The following SLC1A3 variants were observed in gnomAD, a reference collection of about 807,000 sequenced individuals.
SLC1A3 encodes solute carrier family 1 member 3, also known as excitatory amino acid transporter 1.
A neutral mutation model predicts 48.1 loss-of-function variants in SLC1A3; 21 were observed. That is an observed-to-expected ratio of 0.44 (90% CI 0.31 to 0.63). The LOEUF (loss-of-function observed/expected upper bound fraction) is 0.63. SLC1A3 is among the 20% of genes least tolerant of loss of function. SLC1A3 has a pLI of 0.08. For missense variants in SLC1A3, 546 were observed against 689.0 expected (o/e 0.79, Z 2.32); for synonymous variants, 239 against 251.4 (o/e 0.95, Z 0.47).
chr5:36,610,139 C>A (rs890081908), intron 2 of SLC1A3, among the ~76,000 whole-genome samples: 2 of 152,132 alleles, frequency 1.3e-5, no homozygotes, highest in Non-Finnish European at 2.9e-5. Flanking sequence ...AACTCTAGAG[C>A]TGGAAGTCAA....
Position 36,654,537 on chromosome 5 carries a change from A to G in SLC1A3, c.320-16492A>G, listed in dbSNP as rs1381442312. On this transcript the variant is annotated intron_variant, in intron 3 of 9. Coordinates refer to ENST00000265113, the MANE Select transcript of SLC1A3 (RefSeq NM_004172.5). ...ACACTTCTAAAGGGGCACAGACTCC[A>G]TAAGACTGTGGATGCCGATACACTT... Among the ~76,000 whole-genome samples the G allele has an allele frequency of 2.0e-5, 3 of 152,196 alleles. No homozygotes were observed. The South Asian group carries it at 6.2e-4, about 32-fold the overall frequency.
intron 3 of SLC1A3, among the ~76,000 whole-genome samples, chr5:36,645,319 C>T (rs1192975546): frequency 5.9e-5 from 5 of 84,266 alleles, no homozygotes; most frequent in Admixed American, 1.5e-4. Flanking sequence ...CTTCCGCTGC[C>T]TTTTTTTTTT....
At chr5:36,625,389 G>A (rs529495210) in intron 2 of SLC1A3, among the ~76,000 whole-genome samples, 123 of 152,236 alleles carry the variant, frequency 8.1e-4, no homozygotes, top group African/African-American at 2.8e-3. Context: ...ACCAGGAGGC[G>A]GAGGTTGCAG....
In SLC1A3 at chr5:36,599,840, G is replaced by A. The variant is rs117426421; in HGVS notation, c.-96+3162G>A. Among the ~76,000 whole-genome samples the A allele has an allele frequency of 4.0e-4, 60 of 151,554 alleles. 1 individual carries two copies. In the East Asian group the frequency reaches 0.01, roughly 26 times the overall value. On this transcript the variant is annotated intron_variant, in intron 1 of 9. Transcript: ENST00000680318. ...ATTTATTTATTTATTTATTTGAGAC[G>A]GAGTTTCGCTCTCGTCACCCAGGCT... is the stretch of plus-strand genomic sequence containing the variant.
Position 36,687,781 on chromosome 5 carries a change from G to C in SLC1A3, c.*1512G>C, listed in dbSNP as rs1177137909. The C allele has an allele frequency of 6.6e-6, 1 of 152,614 alleles. No individual in the cohort carries two copies. Among genetic ancestry groups the C allele is most frequent in the Non-Finnish European group, 1.5e-5 (1 of 68,036 alleles). 9.5% of individuals were successfully genotyped at this position (152,614 alleles called of 1,614,324 possible). On this transcript the variant is annotated 3_prime_UTR_variant, in exon 10 of 10. Transcript: ENST00000265113. ...ATGAGGTTATGAGAAAAAAACAGCA[G>C]GGGCATTAGTTTCAGGCAAGGCAGC...
chr5:36,644,706 T>C (rs1263280533), intron 3 of SLC1A3, among the ~76,000 whole-genome samples: 1 of 152,228 alleles, frequency 6.6e-6, no homozygotes, highest in Non-Finnish European at 1.5e-5. Context: ...AGTTAATCAC[T>C]TTTACACTGC....
At chr5:36,609,047 T>C (rs1739085288) in intron 2 of SLC1A3, 1 of 993,212 alleles carries the variant, frequency 1.0e-6, no homozygotes, top group South Asian at 4.5e-5. Context: ...TGGTGCTGAC[T>C]TGAAGCTGAG....
intron 2 of SLC1A3, chr5:36,608,805 A>G (rs1579940118): frequency 2.2e-6 from 3 of 1,364,856 alleles, no homozygotes; most frequent in African/African-American, 1.5e-5. Context: ...ATCATTAGGC[A>G]TCATTAGGCA....
chr5:36,683,707 CAAAA>C (rs11284736), intron 8 of SLC1A3, among the ~76,000 whole-genome samples, 153 bp from the exon 9 acceptor site: 1 of 148,528 alleles, frequency 6.7e-6, no homozygotes, highest in African/African-American at 2.5e-5. Flanking sequence ...GATACTGTTT[CAAAA>C]AAAAAAAAAA....
At chr5:36,618,986 C>T (rs1739557591) in intron 2 of SLC1A3, among the ~76,000 whole-genome samples, 1 of 152,192 alleles carries the variant, frequency 6.6e-6, no homozygotes, top group African/African-American at 2.4e-5. Flanking sequence ...CAAGGTTCTT[C>T]TGATGCAGTT....
intron 4 of SLC1A3, 31 bp from the exon 5 acceptor site, chr5:36,674,018 A>G (rs1337974922): frequency 9.4e-6 from 15 of 1,601,950 alleles, no homozygotes; most frequent in Non-Finnish European, 1.3e-5. Context: ...TACTTGGAAA[A>G]TTTTGCAAGT....
chr5:36,604,482 A>G (rs550213111), upstream of SLC1A3, among the ~76,000 whole-genome samples: 3 of 152,330 alleles, frequency 2.0e-5, no homozygotes, highest in Admixed American at 6.5e-5. Flanking sequence ...GTGCTTAAAG[A>G]AGTAATTCCC....
At chr5:36,615,922 G>A (rs1039552916) in intron 2 of SLC1A3, among the ~76,000 whole-genome samples, 6 of 152,226 alleles carry the variant, frequency 3.9e-5, no homozygotes, top group East Asian at 3.8e-4. Context: ...TTTTGTCTGC[G>A]TGCAGTGGCT....
intron 3 of SLC1A3, chr5:36,669,948 T>C (rs1213743894): frequency 7.0e-6 from 1 of 142,928 alleles, no homozygotes; most frequent in Non-Finnish European, 1.5e-5. Flanking sequence ...GAAACACCAT[T>C]TTAAATTGTT....
At chr5:36,604,311 T>C (rs1310933493), upstream of SLC1A3, among the ~76,000 whole-genome samples, 7 of 150,838 alleles carry the variant, frequency 4.6e-5, no homozygotes, top group South Asian at 1.3e-3. Context: ...AATTTCTTGA[T>C]CTTTCATTTA....
At chr5:36,683,196 A>G (rs947054046) in intron 8 of SLC1A3, among the ~76,000 whole-genome samples, 2 of 152,224 alleles carry the variant, frequency 1.3e-5, no homozygotes, top group Non-Finnish European at 2.9e-5. Context: ...GTAACTCTAC[A>G]GCATTTTAGA....
In SLC1A3 at chr5:36,683,690, AGAGT is replaced by A. The variant is rs1742528091; in HGVS notation, c.1290-170_1290-167del. Among the ~76,000 whole-genome samples the A allele has an allele frequency of 2.8e-5, 4 of 142,246 alleles. No individual in the cohort carries two copies. In the South Asian group the frequency reaches 9.3e-4, roughly 33 times the overall value. 93.3% of individuals were successfully genotyped at this position (142,246 alleles called of 152,430 possible). A position where few individuals can be genotyped will look rare whatever the true frequency, so the allele number is the denominator to read the frequency against. The stretch of plus-strand genomic sequence containing the variant: ...ACCACTGCACTCCAGCCTGGGCAAC[AGAGT>A]GAGATACTGTTTCAAAAAAAAAAAA... On this transcript the variant is annotated intron_variant, in intron 8 of 9. Coordinates refer to ENST00000265113, the MANE Select transcript of SLC1A3 (RefSeq NM_004172.5).
chr5:36,628,080 G>A (rs1013225676), intron 2 of SLC1A3, among the ~76,000 whole-genome samples: 20 of 152,190 alleles, frequency 1.3e-4, no homozygotes, highest in Admixed American at 5.2e-4. Flanking sequence ...ACCTTTCTGC[G>A]TTTTCCAATT....
chr5:36,608,699 T>C, intron 2 of SLC1A3, 95 bp downstream of exon 2: 1 of 1,557,310 alleles, frequency 6.4e-7, no homozygotes, highest in Non-Finnish European at 8.6e-7. Context: ...TAGTTGTAGG[T>C]ATCAAAATGG....
Sources: allele counts gnomAD v4.1 joint callset (sites outside exome capture counted in the v4.1 genomes callset), GRCh38; gene constraint gnomAD v4.1.1; transcripts MANE v1.5; gene names NCBI Gene and HGNC (gene_info 2026-07-23, HGNC 2026-07-21).